CNTNAP2: variants seen among roughly 807,000 people sequenced by gnomAD.
The protein encoded by CNTNAP2 is contactin-associated protein-like 2.
Under a neutral mutation model 155.2 loss-of-function variants are expected in CNTNAP2, and 98 were observed. The ratio of observed to expected loss-of-function variants is 0.63; its 90% CI spans 0.54 to 0.75. The LOEUF (loss-of-function observed/expected upper bound fraction) is 0.75. Among genes scored for constraint, CNTNAP2 ranks in the 30% least tolerant of loss-of-function variants. The probability of loss-of-function intolerance (pLI) is 0.00; values close to 1 mark genes in which losing one functional copy is unlikely to be tolerated. For missense variants in CNTNAP2, 1,727 were observed against 1,688.1 expected (o/e 1.02, Z -0.40); for synonymous variants, 651 against 631.2 (o/e 1.03, Z -0.47).
intron 1 of CNTNAP2, among the ~76,000 whole-genome samples, chr7:146,236,741 A>G (rs930895263): frequency 6.6e-6 from 1 of 152,122 alleles, no homozygotes; most frequent in Non-Finnish European, 1.5e-5. Context: ...TGATATGATT[A>G]TATCTATATA....
At chr7:146,553,016 G>A (rs1241449252) in intron 1 of CNTNAP2, among the ~76,000 whole-genome samples, 1 of 152,014 alleles carries the variant, frequency 6.6e-6, no homozygotes, top group Non-Finnish European at 1.5e-5. Context: ...TTAATTTGGT[G>A]CAAAGTATTT....
intron 13 of CNTNAP2, among the ~76,000 whole-genome samples, chr7:147,736,985 G>A (rs1163502407): frequency 6.6e-6 from 1 of 152,144 alleles, no homozygotes; most frequent in Non-Finnish European, 1.5e-5. Context: ...CTTTAGCTCA[G>A]ACAAGTTTGA....
chr7:147,329,278 A>G (rs1321846300), intron 9 of CNTNAP2, among the ~76,000 whole-genome samples: 1 of 152,134 alleles, frequency 6.6e-6, no homozygotes, highest in East Asian at 1.9e-4. Context: ...ATTCTTACAC[A>G]TTATAAAAAT....
At chr7:146,951,343 G>T (rs376225363) in intron 3 of CNTNAP2, among the ~76,000 whole-genome samples, 2 of 152,130 alleles carry the variant, frequency 1.3e-5, no homozygotes, top group African/African-American at 4.8e-5. Context: ...CATTGCTTTT[G>T]GTGTTTTACA....
chr7:147,572,881 CT>C (rs1288098596), intron 12 of CNTNAP2, among the ~76,000 whole-genome samples: 1 of 152,090 alleles, frequency 6.6e-6, no homozygotes, highest in Non-Finnish European at 1.5e-5. Context: ...TTTCTCCAAA[CT>C]TTAGGTTTTT....
At chr7:146,340,876 G>T (rs946386901) in intron 1 of CNTNAP2, among the ~76,000 whole-genome samples, 1 of 152,166 alleles carries the variant, frequency 6.6e-6, no homozygotes, top group African/African-American at 2.4e-5. Context: ...GGTAATAAAA[G>T]AATACTTCAC....
chr7:148,050,546 G>A (rs1165126732), intron 15 of CNTNAP2, among the ~76,000 whole-genome samples: 1 of 152,140 alleles, frequency 6.6e-6, no homozygotes, highest in Non-Finnish European at 1.5e-5. Context: ...AGTTTAGAAA[G>A]TAAAAAAAGT....
Position 146,813,803 on chromosome 7 carries a change from G to A in CNTNAP2, c.209-25908G>A, listed in dbSNP as rs144016655. On this transcript the variant is annotated intron_variant, in intron 2 of 23. Coordinates refer to ENST00000361727, the MANE Select transcript of CNTNAP2 (RefSeq NM_014141.6). ...GAATTGTAATTCCCATAATCCCCAT[G>A]TGTCATGGGAGAGACCCGGTGGGAA... 2.8e-3 allele frequency among the ~76,000 whole-genome samples: 428 copies of A among 152,256 alleles called. 8 individuals carry two copies. The highest frequency in any genetic ancestry group is 6.8e-3 in the East Asian group (35 of 5,164).
intron 3 of CNTNAP2, among the ~76,000 whole-genome samples, chr7:146,944,611 G>T (rs1797121537): frequency 6.6e-6 from 1 of 152,154 alleles, no homozygotes; most frequent in Non-Finnish European, 1.5e-5. Flanking sequence ...AGGCGCGGGG[G>T]CTCACACCTG....
chr7:146,924,434 A>C (rs986358214), intron 3 of CNTNAP2, among the ~76,000 whole-genome samples: 4 of 152,070 alleles, frequency 2.6e-5, no homozygotes, highest in Admixed American at 6.6e-5. Flanking sequence ...ACAAATCACA[A>C]AGTATTTAGC....
chr7:146,532,459 C>T (rs879783160), intron 1 of CNTNAP2, among the ~76,000 whole-genome samples: 1 of 152,020 alleles, frequency 6.6e-6, no homozygotes, highest in African/African-American at 2.4e-5. Flanking sequence ...TTCTTTCCTT[C>T]CCACTTTCTT....
intron 15 of CNTNAP2, among the ~76,000 whole-genome samples, chr7:147,979,487 A>T (rs978031890): frequency 1.3e-5 from 2 of 152,246 alleles, no homozygotes; most frequent in East Asian, 3.8e-4. Flanking sequence ...TAAAGGTAAA[A>T]TATTTCTGGC....
At chr7:147,215,470 G>A (rs188820520) in intron 8 of CNTNAP2, among the ~76,000 whole-genome samples, 110 of 152,100 alleles carry the variant, frequency 7.2e-4, no homozygotes, top group Admixed American at 5.8e-3. Flanking sequence ...TTTCATATTG[G>A]CATCTTTCAC....
At chr7:148,412,117 A>G (rs1383972162) in intron 23 of CNTNAP2, among the ~76,000 whole-genome samples, 1 of 151,778 alleles carries the variant, frequency 6.6e-6, no homozygotes, top group Non-Finnish European at 1.5e-5. Flanking sequence ...TAATTTTTGT[A>G]TTTTAGTAGA....
Position 146,424,466 on chromosome 7 carries a change from A to G in CNTNAP2, c.97+307493A>G, listed in dbSNP as rs190406898. Among the ~76,000 whole-genome samples, 134 of 152,290 alleles carry G rather than the reference A, an allele frequency of 8.8e-4. 1 individual carries two copies. Among genetic ancestry groups the G allele is most frequent in the Non-Finnish European group, 2.9e-4 (20 of 68,014 alleles). ...TGACAACGTGTACGAAATGTCTACT[A>G]GGAAATCTTGCCCAAGATTAGAAGT... On this transcript the variant is annotated intron_variant, in intron 1 of 23. Transcript: ENST00000361727.
At chr7:147,702,065 T>G (rs1039726208) in intron 13 of CNTNAP2, among the ~76,000 whole-genome samples, 2 of 150,954 alleles carry the variant, frequency 1.3e-5, no homozygotes, top group African/African-American at 2.4e-5. Context: ...GTTTTTTTTT[T>G]TTTTTTTTTT....
At chr7:147,294,219 A>C (rs528460107) in intron 8 of CNTNAP2, among the ~76,000 whole-genome samples, 18 of 152,200 alleles carry the variant, frequency 1.2e-4, no homozygotes, top group Non-Finnish European at 2.5e-4. Context: ...ACTAACTTGC[A>C]CATAAACTGT....
At chr7:146,348,009 A>G in intron 1 of CNTNAP2, among the ~76,000 whole-genome samples, 1 of 152,210 alleles carries the variant, frequency 6.6e-6, no homozygotes, top group Non-Finnish European at 1.5e-5. Context: ...CTAAACAAAA[A>G]TCTGTGGGCC....
At chr7:146,569,597 A>T (rs1372164565) in intron 1 of CNTNAP2, among the ~76,000 whole-genome samples, 3 of 152,176 alleles carry the variant, frequency 2.0e-5, no homozygotes, top group Non-Finnish European at 4.4e-5. Context: ...CTTTTTGAAA[A>T]ATACTGCAAT....
Sources: allele counts gnomAD v4.1 joint callset (sites outside exome capture counted in the v4.1 genomes callset), GRCh38; gene constraint gnomAD v4.1.1; transcripts MANE v1.5; gene names NCBI Gene and HGNC (gene_info 2026-07-23, HGNC 2026-07-21).